The following CEP112 variants were observed in gnomAD, a reference collection of about 807,000 sequenced individuals.
CEP112 encodes centrosomal protein 112, also known as centrosomal protein of 112 kDa.
Under a neutral mutation model 153.0 loss-of-function variants are expected in CEP112, and 127 were observed. The observed-to-expected ratio is 0.83, with a 90% CI of 0.72 to 0.96. The LOEUF is 0.96. Ranked by LOEUF, CEP112 falls within the 40% of genes least tolerant of loss-of-function variation. The pLI, the probability that CEP112 is intolerant of heterozygous loss-of-function variation, is 0.00. For synonymous variants in CEP112, 358 were observed against 374.4 expected, an observed-to-expected ratio of 0.96 and a Z score of 0.51; for missense variants, 1,089 against 1,101.2, an observed-to-expected ratio of 0.99 and a Z score of 0.16.
At chr17:66,135,417 G>A (rs550851090) in intron 4 of CEP112, among the ~76,000 whole-genome samples, 4 of 152,308 alleles carry the variant, frequency 2.6e-5, no homozygotes, top group Non-Finnish European at 5.9e-5. Flanking sequence ...CAGAAAGTGG[G>A]AGAAAAGTTC....
intron 4 of CEP112, among the ~76,000 whole-genome samples, chr17:66,158,132 T>C (rs2071528185): frequency 6.6e-6 from 1 of 152,150 alleles, no homozygotes; most frequent in Non-Finnish European, 1.5e-5. Flanking sequence ...GTCCACATAA[T>C]TGGAAGTAAA....
In CEP112 at chr17:66,146,714, C is replaced by T. The variant is rs191828005; in HGVS notation, c.471-13951G>A. ...CCCCTATAACCACCATTCTACTTTC[C>T]GTTTCTATGAATTTGACAACTTTAG... On this transcript the variant is annotated intron_variant, in intron 4 of 26. Coordinates refer to ENST00000535342, the MANE Select transcript of CEP112 (RefSeq NM_001199165.4). Among the ~76,000 whole-genome samples, 164 of 152,158 alleles carry T rather than the reference C, an allele frequency of 1.1e-3. 1 individual carries two copies. Among genetic ancestry groups the T allele is most frequent in the African/African-American group, 3.7e-3 (152 of 41,540 alleles).
Position 66,129,750 on chromosome 17 carries a change from A to G in CEP112, c.638T>C (p.Leu213Pro). ...AAAGCAAATACTTTTTTTTACCCCA[A>G]GATTCCAACTATTAAGGCGAGCTTC... ...DIEARLNSWN[L>P]GIENPRYLRQ... The change falls in exon 6 of 27, where the codon CTT becomes CCT. Residue 213 changes from leucine (L) to proline (P), a missense_variant. Transcript: ENST00000535342. 2 of 1,607,204 alleles carry G rather than the reference A, an allele frequency of 1.2e-6. No homozygotes were observed. Among genetic ancestry groups the G allele is most frequent in the South Asian group, 2.2e-5 (2 of 89,844 alleles).
intron 21 of CEP112, among the ~76,000 whole-genome samples, chr17:65,754,637 A>C (rs2052121019): frequency 6.6e-6 from 1 of 152,152 alleles, no homozygotes; most frequent in African/African-American, 2.4e-5. Flanking sequence ...AAGATAAAAT[A>C]AAATAAAATA....
At chr17:65,979,250 A>G (rs1370413938) in intron 17 of CEP112, among the ~76,000 whole-genome samples, 1 of 145,612 alleles carries the variant, frequency 6.9e-6, no homozygotes, top group Non-Finnish European at 1.5e-5. Context: ...TTATTTATTT[A>G]TTTTTTGCTT....
chr17:65,780,256 C>T (rs2053924139), intron 21 of CEP112, among the ~76,000 whole-genome samples: 1 of 152,050 alleles, frequency 6.6e-6, no homozygotes, highest in South Asian at 2.1e-4. Flanking sequence ...ATGCATTTCC[C>T]CACCCTGCTC....
intron 6 of CEP112, among the ~76,000 whole-genome samples, chr17:66,101,912 C>T (rs896028362): frequency 6.6e-6 from 1 of 151,928 alleles, no homozygotes; most frequent in Non-Finnish European, 1.5e-5. Flanking sequence ...TAAAATAATA[C>T]AAGCTATTAG....
At chr17:65,931,362 C>T (rs370274250) in intron 18 of CEP112, among the ~76,000 whole-genome samples, 29 of 152,318 alleles carry the variant, frequency 1.9e-4, no homozygotes, top group East Asian at 1.7e-3. Context: ...AATGGTTTCA[C>T]GTTGACTGTA....
intron 21 of CEP112, among the ~76,000 whole-genome samples, chr17:65,768,840 A>C (rs1025541347): frequency 1.3e-5 from 2 of 152,122 alleles, no homozygotes; most frequent in Admixed American, 6.6e-5. Context: ...ATCAATGGGG[A>C]GAAACTGAAA....
intron 19 of CEP112, among the ~76,000 whole-genome samples, chr17:65,906,693 C>T (rs1395293095): frequency 2.6e-5 from 4 of 151,846 alleles, no homozygotes; most frequent in Non-Finnish European, 1.5e-5. Flanking sequence ...CATACTATAC[C>T]GAGTAAGAAA....
At chr17:66,059,541 GA>G (rs2066840029) in intron 11 of CEP112, among the ~76,000 whole-genome samples, 1 of 152,042 alleles carries the variant, frequency 6.6e-6, no homozygotes, top group Non-Finnish European at 1.5e-5. Context: ...ACAAACATAC[GA>G]AAAAATGTTC....
chr17:65,720,853 T>C (rs1181079903), intron 23 of CEP112, among the ~76,000 whole-genome samples: 1 of 152,214 alleles, frequency 6.6e-6, no homozygotes, highest in Non-Finnish European at 1.5e-5. Flanking sequence ...ACAGGCTTTA[T>C]TGTTTCTCTC....
chr17:65,769,269 G>A (rs188483921), intron 21 of CEP112, among the ~76,000 whole-genome samples: 84 of 152,036 alleles, frequency 5.5e-4, no homozygotes, highest in African/African-American at 1.9e-3. Flanking sequence ...AGAAATTGAA[G>A]AGGACACAAA....
chr17:66,101,875 C>T (rs1036358897), intron 6 of CEP112, among the ~76,000 whole-genome samples: 2 of 151,748 alleles, frequency 1.3e-5, no homozygotes, highest in Admixed American at 6.6e-5. Context: ...TTATTTCGGA[C>T]TAGCTAAATG....
chr17:66,005,821 T>C, intron 16 of CEP112, 52 bp from the exon 17 acceptor site: 1 of 1,466,468 alleles, frequency 6.8e-7, no homozygotes, highest in Non-Finnish European at 9.3e-7. Context: ...AAAGTTTACT[T>C]CAAAGAGACA....
chr17:65,943,662 C>A (rs1010534629), intron 18 of CEP112, among the ~76,000 whole-genome samples: 1 of 152,090 alleles, frequency 6.6e-6, no homozygotes, highest in Non-Finnish European at 1.5e-5. Context: ...TCATTTCTAC[C>A]TTGGAAAATC....
intron 23 of CEP112, among the ~76,000 whole-genome samples, chr17:65,730,509 T>C (rs1034322402): frequency 1.3e-5 from 2 of 152,190 alleles, no homozygotes; most frequent in African/African-American, 4.8e-5. Context: ...GCATTATTAA[T>C]TCTAATTCAG....
At chr17:66,041,864 T>C (rs915671708) in intron 12 of CEP112, among the ~76,000 whole-genome samples, 1 of 152,200 alleles carries the variant, frequency 6.6e-6, no homozygotes, top group Non-Finnish European at 1.5e-5. Flanking sequence ...AAAATTTATA[T>C]AGATACCCCA....
intron 24 of CEP112, among the ~76,000 whole-genome samples, chr17:65,656,065 A>G (rs1158569108): frequency 6.6e-6 from 1 of 152,228 alleles, no homozygotes; most frequent in African/African-American, 2.4e-5. Context: ...CCCAAGGGTC[A>G]GGGGTAGAGT....
Sources: allele counts gnomAD v4.1 joint callset (sites outside exome capture counted in the v4.1 genomes callset), GRCh38; gene constraint gnomAD v4.1.1; transcripts MANE v1.5; gene names NCBI Gene and HGNC (gene_info 2026-07-23, HGNC 2026-07-21).